The following HECW1 variants were observed in gnomAD, a reference collection of about 807,000 sequenced individuals.
HECW1 encodes HECT, C2 and WW domain containing E3 ubiquitin protein ligase 1.
HECW1 carries 61 observed loss-of-function variants against 182.3 expected under a neutral mutation model. That is an observed-to-expected ratio of 0.33 (90% CI 0.27 to 0.41). The LOEUF (loss-of-function observed/expected upper bound fraction) is 0.41, where lower values mean the gene tolerates loss of function less well. Among genes scored for constraint, HECW1 ranks in the 10% least tolerant of loss-of-function variants. The pLI is 1.00. For missense variants in HECW1, 1,739 were observed against 2,108.9 expected (o/e 0.82, Z 3.44); for synonymous variants, 859 against 832.6 (o/e 1.03, Z -0.55).
chr7:43,216,387 G>GC, intron 2 of HECW1, among the ~76,000 whole-genome samples: 1 of 151,966 alleles, frequency 6.6e-6, no homozygotes, highest in Non-Finnish European at 1.5e-5. Context: ...CTCATGATCC[G>GC]CCCACCTCAG....
rs2082222804 is a variant in HECW1 at position 43,562,016 on chromosome 7, CT to C, written c.*93del. ...TTTCCCTTTCCCTTAATCAACTCTC[CT>C]TTGATTTTGGTATTCCATGATTTTT... On this transcript the variant is annotated 3_prime_UTR_variant, in exon 30 of 30. Coordinates refer to ENST00000395891, the MANE Select transcript of HECW1 (RefSeq NM_015052.5). The C allele has an allele frequency of 1.3e-6, 1 of 746,096 alleles. No individual in the cohort carries two copies. The highest frequency in any genetic ancestry group is 2.3e-6 in the Non-Finnish European group (1 of 435,022). The allele number at this position is 746,096 out of a possible 1,614,324, so 46.2% of individuals were successfully genotyped here.
intron 3 of HECW1, among the ~76,000 whole-genome samples, chr7:43,266,847 A>G (rs1409338904): frequency 6.6e-6 from 1 of 152,222 alleles, no homozygotes; most frequent in Non-Finnish European, 1.5e-5. Flanking sequence ...AAAAGTAAAG[A>G]CATAAAAGTA....
At chr7:43,480,197 A>C (rs761566928) in intron 17 of HECW1, among the ~76,000 whole-genome samples, 4 of 152,212 alleles carry the variant, frequency 2.6e-5, no homozygotes, top group Non-Finnish European at 5.9e-5. Flanking sequence ...ACCAGGCCAC[A>C]GGAAGTGGTG....
intron 5 of HECW1, among the ~76,000 whole-genome samples, chr7:43,349,270 G>A (rs1401710034): frequency 6.6e-6 from 1 of 152,172 alleles, no homozygotes; most frequent in East Asian, 1.9e-4. Context: ...CTGACCTCAA[G>A]TCATCTGCCT....
intron 3 of HECW1, among the ~76,000 whole-genome samples, chr7:43,246,736 A>T (rs1316671111): frequency 6.6e-6 from 1 of 152,234 alleles, no homozygotes; most frequent in Non-Finnish European, 1.5e-5. Flanking sequence ...ATTGCAAATG[A>T]CTGGCATCTC....
At chr7:43,440,175 A>C (rs541278106) in intron 9 of HECW1, 1 of 152,322 alleles carries the variant, frequency 6.6e-6, no homozygotes, top group Admixed American at 6.5e-5. Context: ...CCCACAACAA[A>C]AGTGAATCCA....
At chr7:43,192,962 T>G (rs1794070876) in intron 2 of HECW1, among the ~76,000 whole-genome samples, 1 of 152,238 alleles carries the variant, frequency 6.6e-6, no homozygotes. Flanking sequence ...CCCCAAGGGC[T>G]GCTGGCTGGC....
intron 2 of HECW1, chr7:43,239,328 G>A (rs1449817098): frequency 6.6e-6 from 1 of 152,222 alleles, no homozygotes; most frequent in Non-Finnish European, 1.5e-5. Flanking sequence ...GTGCAACTGA[G>A]CTTACTTTGT....
chr7:43,509,071 C>T lies in HECW1; in HGVS notation c.3969C>T (p.Tyr1323=). 6.2e-7 allele frequency: 1 copy of T among 1,614,176 alleles called. No homozygotes were observed. Among genetic ancestry groups the T allele is most frequent in the Non-Finnish European group, 8.5e-7 (1 of 1,179,998 alleles). The part of the protein sequence containing the change: ...GLFEYSANDT[Y]TVQISPMSAF... Reference sequence around the variant, plus strand: ...TTGAGTACTCGGCAAATGATACTTACACGGTGCAGATCAGCCCCATGTCCG... The same window carrying T: ...TTGAGTACTCGGCAAATGATACTTATACGGTGCAGATCAGCCCCATGTCCG... Residue 1323 remains tyrosine, a synonymous_variant, in exon 24 of 30, where the codon TAC becomes TAT. Coordinates refer to ENST00000395891, the MANE Select transcript of HECW1 (RefSeq NM_015052.5).
intron 17 of HECW1, among the ~76,000 whole-genome samples, chr7:43,480,801 A>T (rs1049418743): frequency 5.9e-5 from 9 of 152,004 alleles, no homozygotes; most frequent in African/African-American, 2.2e-4. Flanking sequence ...TCTCCAGAGA[A>T]ACTGGGAAGA....
chr7:43,545,450 G>C (rs934486842), intron 26 of HECW1, among the ~76,000 whole-genome samples: 1 of 152,174 alleles, frequency 6.6e-6, no homozygotes, highest in South Asian at 2.1e-4. Context: ...AGAATGTGTT[G>C]TAGATCTATA....
At chr7:43,385,741 A>G (rs2074769305) in intron 6 of HECW1, among the ~76,000 whole-genome samples, 1 of 152,202 alleles carries the variant, frequency 6.6e-6, no homozygotes, top group African/African-American at 2.4e-5. Context: ...AGGCAAAAGA[A>G]TATGTTGAAA....
At chr7:43,554,525 C>G (rs556826625) in intron 28 of HECW1, 67 bp from the exon 29 acceptor site, 5 of 1,367,512 alleles carry the variant, frequency 3.7e-6, no homozygotes, top group East Asian at 2.5e-5. Context: ...TTTGATCTCT[C>G]TCTCCCTCCT....
chr7:43,276,782 G>A (rs1803209750), intron 3 of HECW1, among the ~76,000 whole-genome samples: 1 of 152,200 alleles, frequency 6.6e-6, no homozygotes, highest in Non-Finnish European at 1.5e-5. Context: ...CTCCTGAGGA[G>A]CAAGTTCTTT....
chr7:43,353,133 C>T (rs1814670226), intron 5 of HECW1, among the ~76,000 whole-genome samples: 1 of 151,902 alleles, frequency 6.6e-6, no homozygotes, highest in African/African-American at 2.4e-5. Context: ...ACATGGTCAC[C>T]CCGGCCCAAA....
At chr7:43,455,799 T>TG (rs11397625) in intron 12 of HECW1, among the ~76,000 whole-genome samples, 152,240 of 152,240 alleles carry the variant, frequency 1, 76,120 homozygotes, top group Non-Finnish European at 1. Flanking sequence ...GAGACCAGCC[T>TG]GCCAACCATG....
chr7:43,463,514 CT>C, intron 13 of HECW1, 145 bp from the exon 14 acceptor site: 2 of 697,396 alleles, frequency 2.9e-6, no homozygotes, highest in Non-Finnish European at 4.7e-6. Flanking sequence ...GCTAATTGTT[CT>C]GGCTATCTTG....
At chr7:43,499,522 T>C (rs937879514) in intron 19 of HECW1, among the ~76,000 whole-genome samples, 1 of 151,518 alleles carries the variant, frequency 6.6e-6, no homozygotes, top group Admixed American at 6.6e-5. Flanking sequence ...AAATCATCCA[T>C]CTTTTACCAC....
intron 2 of HECW1, among the ~76,000 whole-genome samples, chr7:43,204,069 A>G (rs1795245911): frequency 6.6e-6 from 1 of 152,234 alleles, no homozygotes; most frequent in South Asian, 2.1e-4. Flanking sequence ...AGTTCAAGAC[A>G]TCAATAATTC....
Sources: gnomAD v4.1 joint callset for allele counts (sites outside exome capture counted in the v4.1 genomes callset) on GRCh38, gnomAD v4.1.1 for gene constraint, MANE v1.5 for transcripts, NCBI Gene and HGNC (gene_info 2026-07-23, HGNC 2026-07-21) for gene names.